Variants in DIP2C observed in about 807,000 individuals in gnomAD.
DIP2C encodes disco-interacting protein 2 homolog C.
DIP2C carries 33 observed loss-of-function variants against 192.4 expected under a neutral mutation model. The observed-to-expected ratio is 0.17, with a 90% CI of 0.13 to 0.23. The LOEUF (loss-of-function observed/expected upper bound fraction) is 0.23. DIP2C is among the 10% of genes least tolerant of loss of function. The pLI, the probability that DIP2C is intolerant of heterozygous loss-of-function variation, is 1.00. For missense variants in DIP2C, 1,537 were observed against 2,110.1 expected (o/e 0.73, Z 5.32); for synonymous variants, 979 against 864.1 (o/e 1.13, Z -2.33).
Position 650,436 on chromosome 10 carries a change from A to G in DIP2C, c.85+39058T>C, listed in dbSNP as rs540953472. The stretch of plus-strand genomic sequence containing the variant: ...AAGAACGCAGGCCGACAACATCTTC[A>G]TCTATGGTAGGTGACCCGGTTATCG... On this transcript the variant is annotated intron_variant, in intron 1 of 36. Transcript: ENST00000280886. The G allele has an allele frequency of 5.3e-5, 38 of 711,310 alleles. 1 individual carries two copies. The highest frequency in any genetic ancestry group is 5.0e-4 in the South Asian group (34 of 67,600). The allele number at this position is 711,310 out of a possible 1,614,324, so 44.1% of individuals were successfully genotyped here.
At chr10:544,306 C>T (rs1339376003) in intron 1 of DIP2C, among the ~76,000 whole-genome samples, 1 of 152,226 alleles carries the variant, frequency 6.6e-6, no homozygotes, top group Admixed American at 6.5e-5. Flanking sequence ...AGTGATACTC[C>T]ATTGTGTGCA....
chr10:608,133 ACACACACAGCCCCCC>A (rs1340457576), intron 1 of DIP2C, among the ~76,000 whole-genome samples: 3 of 102,328 alleles, frequency 2.9e-5, no homozygotes, highest in African/African-American at 1.4e-4. Context: ...CAGCCCCAAC[ACACACACAGCCCCCC>A]CACACACACC....
chr10:338,925 CTGCACCCTGCCTGGCTCCCACAA>C (rs1272711471), intron 29 of DIP2C, among the ~76,000 whole-genome samples: 12 of 151,084 alleles, frequency 7.9e-5, no homozygotes, highest in Admixed American at 2.0e-4. Flanking sequence ...CACCTGCACC[CTGCACCCTGCCTGGCTCCCACAA>C]TGCACCCTGC....
At chr10:526,224 C>T (rs1227432358) in intron 1 of DIP2C, among the ~76,000 whole-genome samples, 1 of 152,136 alleles carries the variant, frequency 6.6e-6, no homozygotes, top group African/African-American at 2.4e-5. Flanking sequence ...CCCACAGCCG[C>T]GTGGTTTCCA....
At position 459,462 on chromosome 10, in the gene DIP2C, C is replaced by T. The variant is rs181604655; in HGVS notation, c.268+12977G>A. Among the ~76,000 whole-genome samples the T allele has an allele frequency of 3.9e-5, 6 of 152,360 alleles. No individual in the cohort carries two copies. In the East Asian group the frequency reaches 9.6e-4, roughly 24 times the overall value. On this transcript the variant is annotated intron_variant, in intron 3 of 36. Coordinates refer to ENST00000280886, the MANE Select transcript of DIP2C (RefSeq NM_014974.3). ...GAGAGGGCAGCCCAAGCCATGCATGCTCACACATGGAAGTTCTTAGTTCAT... is the reference window on the plus strand; with the variant it reads ...GAGAGGGCAGCCCAAGCCATGCATGTTCACACATGGAAGTTCTTAGTTCAT...
At chr10:392,453 C>A (rs1321845977) in intron 10 of DIP2C, among the ~76,000 whole-genome samples, 2 of 152,168 alleles carry the variant, frequency 1.3e-5, no homozygotes, top group Non-Finnish European at 2.9e-5. Flanking sequence ...AAGAAGATCC[C>A]AAAAAATAAG....
chr10:520,512 G>T (rs1241478731), intron 1 of DIP2C, among the ~76,000 whole-genome samples: 1 of 152,226 alleles, frequency 6.6e-6, no homozygotes. Context: ...CAGTTGGAAG[G>T]AGTTTGGGTT....
At chr10:567,188 GTT>G (rs1849510472) in intron 1 of DIP2C, among the ~76,000 whole-genome samples, 1 of 129,310 alleles carries the variant, frequency 7.7e-6, no homozygotes, top group Non-Finnish European at 1.5e-5. Context: ...GGGGTTTTTT[GTT>G]TTGTTTTGTT....
intron 1 of DIP2C, among the ~76,000 whole-genome samples, chr10:559,219 A>C (rs540911803): frequency 7.9e-5 from 12 of 152,152 alleles, no homozygotes; most frequent in Admixed American, 5.9e-4. Context: ...CACTTTAATA[A>C]TGAGAGAAGT....
rs143733299 is a variant in DIP2C, at chr10:493,370, T to C, written c.86-6840A>G. On this transcript the variant is annotated intron_variant, in intron 1 of 36. Transcript: ENST00000280886. ...ACAGCTACTTCCCTTTCCCATGACA[T>C]TGATTCTCAATTTTGCAGATCTCAG... 2.7e-3 allele frequency among the ~76,000 whole-genome samples: 406 copies of C among 152,308 alleles called. 1 individual carries two copies. Among genetic ancestry groups the C allele is most frequent in the African/African-American group, 9.1e-3 (380 of 41,576 alleles).
intron 1 of DIP2C, among the ~76,000 whole-genome samples, chr10:587,244 A>G (rs1851114513): frequency 6.6e-6 from 1 of 152,160 alleles, no homozygotes; most frequent in East Asian, 1.9e-4. Context: ...GGCGAGGGGC[A>G]AACAGTGCAG....
At chr10:560,151 A>G (rs989859686) in intron 1 of DIP2C, among the ~76,000 whole-genome samples, 3 of 152,094 alleles carry the variant, frequency 2.0e-5, no homozygotes, top group African/African-American at 7.2e-5. Context: ...TAGGTGTAAA[A>G]TGAGTCAATA....
intron 1 of DIP2C, among the ~76,000 whole-genome samples, chr10:562,079 C>T (rs1849249725): frequency 6.6e-6 from 1 of 152,238 alleles, no homozygotes; most frequent in South Asian, 2.1e-4. Flanking sequence ...AGCTTTACTG[C>T]ATGAAATCAG....
intron 1 of DIP2C, among the ~76,000 whole-genome samples, chr10:557,082 C>T (rs920399625): frequency 2.6e-5 from 4 of 152,202 alleles, no homozygotes; most frequent in Non-Finnish European, 4.4e-5. Flanking sequence ...GTGTGGCCCA[C>T]GGGACACGGC....
intron 32 of DIP2C, among the ~76,000 whole-genome samples, chr10:288,761 C>G (rs1284300211): frequency 6.6e-6 from 1 of 152,204 alleles, no homozygotes; most frequent in Non-Finnish European, 1.5e-5. Flanking sequence ...TGCGGGTCAC[C>G]CACGACTGTG....
chr10:461,349 G>A (rs964972404), intron 3 of DIP2C, among the ~76,000 whole-genome samples: 20 of 151,894 alleles, frequency 1.3e-4, no homozygotes, highest in Admixed American at 1.2e-3. Flanking sequence ...AAGGATGGAG[G>A]AATATTTACA....
intron 10 of DIP2C, among the ~76,000 whole-genome samples, chr10:392,243 C>T (rs950174582): frequency 3.5e-4 from 53 of 152,276 alleles, no homozygotes; most frequent in African/African-American, 1.2e-3. Flanking sequence ...AGCAGGAAGG[C>T]GGCTCTGCTG....
chr10:460,627 A>C (rs975722305), intron 3 of DIP2C, among the ~76,000 whole-genome samples: 8 of 152,160 alleles, frequency 5.3e-5, no homozygotes, highest in African/African-American at 1.9e-4. Flanking sequence ...GTTGGAAAAC[A>C]CTCTTCAGGA....
intron 1 of DIP2C, among the ~76,000 whole-genome samples, chr10:624,843 A>G (rs1328931766): frequency 6.6e-6 from 1 of 152,144 alleles, no homozygotes; most frequent in Non-Finnish European, 1.5e-5. Flanking sequence ...GGAAGCTGTG[A>G]AGACGGAGGT....
Sources: allele counts gnomAD v4.1 joint callset (sites outside exome capture counted in the v4.1 genomes callset), GRCh38; gene constraint gnomAD v4.1.1; transcripts MANE v1.5; gene names NCBI Gene and HGNC (gene_info 2026-07-23, HGNC 2026-07-21).